The following LILRA1 variants were observed in gnomAD, a reference collection of about 807,000 sequenced individuals.
LILRA1 encodes leukocyte immunoglobulin like receptor A1.
A neutral mutation model predicts 51.6 loss-of-function variants in LILRA1; 51 were observed. The ratio of observed to expected loss-of-function variants is 0.99; its 90% CI spans 0.79 to 1.25. The LOEUF is 1.25. LILRA1 is among the 50% of genes most tolerant of loss of function. LILRA1 has a pLI of 0.00. For missense variants in LILRA1, 660 were observed against 611.7 expected, an observed-to-expected ratio of 1.08 and a Z score of -0.83; for synonymous variants, 305 against 248.4, an observed-to-expected ratio of 1.23 and a Z score of -2.14.
chr19:54,593,907 AG>A, intron 1 of LILRA1, 126 bp downstream of exon 1: 2 of 581,114 alleles, frequency 3.4e-6, no homozygotes, highest in Non-Finnish European at 6.3e-6. Context: ...AGAAAGCACC[AG>A]TTCTATTTGC....
intron 8 of LILRA1, 108 bp downstream of exon 8, chr19:54,599,394 A>G: frequency 1.4e-6 from 2 of 1,403,612 alleles, no homozygotes; most frequent in Middle Eastern, 2.2e-4. Context: ...CATTCATTCT[A>G]ATTTAAAGAA....
At chr19:54,594,555 G>T (rs1212492719) in intron 3 of LILRA1, 79 bp downstream of exon 3, 4 of 1,613,534 alleles carry the variant, frequency 2.5e-6, no homozygotes, top group African/African-American at 1.3e-5. Flanking sequence ...TGGGGATGGG[G>T]AATAGCAGTT....
rs1386814345 is a variant in LILRA1, at chr19:54,599,162, T to C, written c.1262-74T>C. ...CTTGACAGGGAGGTTATATAAGTTA[T>C]ACATAATCTTATATAGAATTTGTTA... is the stretch of plus-strand genomic sequence containing the variant. On this transcript the variant is annotated intron_variant, in intron 7 of 9. Coordinates refer to ENST00000251372, the MANE Select transcript of LILRA1 (RefSeq NM_006863.4). 1.1e-5 allele frequency: 15 copies of C among 1,406,444 alleles called. No homozygotes were observed. The Admixed American group carries it at 1.2e-4, about 11-fold the overall frequency. The allele number at this position is 1,406,444 out of a possible 1,614,324, so 87.1% of individuals were successfully genotyped here. A position where few individuals can be genotyped will look rare whatever the true frequency, so the allele number is the denominator to read the frequency against.
At position 54,596,231 on chromosome 19, in the gene LILRA1, C is replaced by A. The variant is rs1456574651; in HGVS notation, c.1001C>A (p.Pro334His). 4.3e-6 allele frequency: 7 copies of A among 1,614,070 alleles called. No individual in the cohort carries two copies. Among genetic ancestry groups the A allele is most frequent in the Non-Finnish European group, 5.9e-6 (7 of 1,179,988 alleles). Residue 334 changes from proline (P) to histidine (H), a missense_variant, in exon 7 of 10, where the codon CCC (proline) becomes CAC (histidine). Pro to His is a moderately conservative substitution (Grantham distance 77). Transcript: ENST00000251372. ...GRPFISVHPG[P>H]TVASGENVTL... is the part of the protein sequence containing the mutation. ...CCCTTCATCTCGGTGCATCCGGGCCCCACGGTGGCCTCAGGAGAGAACGTG... is the reference window on the plus strand; with the variant it reads ...CCCTTCATCTCGGTGCATCCGGGCCACACGGTGGCCTCAGGAGAGAACGTG...
Position 54,600,903 on chromosome 19 carries a change from G to C in LILRA1, c.*86G>C. 2 of 1,478,932 alleles carry C rather than the reference G, an allele frequency of 1.4e-6. No homozygotes were observed. Among genetic ancestry groups the C allele is most frequent in the East Asian group, 4.5e-5 (2 of 44,324 alleles). The allele number at this position is 1,478,932 out of a possible 1,614,324, so 91.6% of individuals were successfully genotyped here. On this transcript the variant is annotated 3_prime_UTR_variant, in exon 10 of 10. Transcript: ENST00000251372. ...GGGAACAGATCTGATGATGCCAGGAGGTTCCGGGAGACAATTTAGGGCTGA... is the reference window on the plus strand; with the variant it reads ...GGGAACAGATCTGATGATGCCAGGACGTTCCGGGAGACAATTTAGGGCTGA...
chr19:54,598,082 C>T (rs1053897701), intron 7 of LILRA1, among the ~76,000 whole-genome samples: 3 of 151,652 alleles, frequency 2.0e-5, no homozygotes, highest in African/African-American at 7.3e-5. Context: ...GGACCGTGCA[C>T]CTGCTCCCTG....
intron 8 of LILRA1, among the ~76,000 whole-genome samples, chr19:54,600,247 T>C (rs1478536377): frequency 2.0e-5 from 3 of 152,292 alleles, no homozygotes; most frequent in Non-Finnish European, 4.4e-5. Flanking sequence ...CAGGGCTCAG[T>C]GACTTCTGTA....
At chr19:54,595,423 C>T (rs374304223) in intron 5 of LILRA1, 21 bp downstream of exon 5, 22 of 1,590,086 alleles carry the variant, frequency 1.4e-5, no homozygotes, top group Admixed American at 3.5e-5. Context: ...CACAGCATTG[C>T]CTGGAGTTCC....
Position 54,595,127 on chromosome 19 carries a change from C to G in LILRA1, c.386C>G (p.Ala129Gly). Residue 129 changes from alanine to glycine, a missense_variant, in exon 5 of 10, where the codon GCT becomes GGT. Physicochemically the swap from Ala to Gly is moderately conservative, Grantham distance 60. Coordinates refer to ENST00000251372, the MANE Select transcript of LILRA1 (RefSeq NM_006863.4). ...GCCTACATCAAACCCACCCTCTCAG[C>G]TCTACCCAGCCCTGTGGTGACCTCA... The part of the protein sequence containing the change: ...TGAYIKPTLS[A>G]LPSPVVTSGG... 6.2e-7 allele frequency: 1 copy of G among 1,614,018 alleles called. No homozygotes were observed. Among genetic ancestry groups the G allele is most frequent in the Non-Finnish European group, 8.5e-7 (1 of 1,179,922 alleles).
In LILRA1 at chr19:54,596,295, C is replaced by T. The variant is rs200588247; in HGVS notation, c.1065C>T (p.Phe355=). ...AGTCATGGGGGCCGTTCCACACTTT[C>T]CTTCTGACCAAGGCGGGAGCAGCTG... ...LCQSWGPFHT[F]LLTKAGAADA... is the part of the protein sequence containing the mutation. Residue 355 remains phenylalanine, a synonymous_variant, in exon 7 of 10, where the codon TTC becomes TTT. Transcript: ENST00000251372. 7.2e-5 allele frequency: 116 copies of T among 1,614,128 alleles called. No individual in the cohort carries two copies. The Admixed American group carries it at 7.8e-4, about 11-fold the overall frequency.
At position 54,595,817 on chromosome 19, in the gene LILRA1, C is replaced by T. The variant is rs2063033745; in HGVS notation, c.840C>T (p.Ala280=). 2 of 1,614,042 alleles carry T rather than the reference C, an allele frequency of 1.2e-6. No homozygotes were observed. The highest frequency in any genetic ancestry group is 1.1e-5 in the South Asian group (1 of 91,092). The change falls in exon 6 of 10, where the codon GCC becomes GCT. Residue 280 remains alanine (A), a synonymous_variant. Coordinates refer to ENST00000251372, the MANE Select transcript of LILRA1 (RefSeq NM_006863.4). ...AGCCCCAGGCTGGGCTCTCCCAGGC[C>T]AACTTCACCCTGGGCCCTGTGAGCC... ...GPQPQAGLSQ[A]NFTLGPVSRS...
In LILRA1 at chr19:54,596,463, C is replaced by T; in HGVS notation, c.1233C>T (p.Pro411=). The T allele has an allele frequency of 6.2e-7, 1 of 1,614,192 alleles. No individual in the cohort carries two copies. Among genetic ancestry groups the T allele is most frequent in the Non-Finnish European group, 8.5e-7 (1 of 1,180,024 alleles). The change falls in exon 7 of 10, where the codon CCC becomes CCT. Residue 411 remains proline, a synonymous_variant. Transcript: ENST00000251372. ...CCAACCCCTACCTGCTGTCTCACCCCAGTGACTCCCTGGAGCTCATGGTCT... is the reference window on the plus strand; with the variant it reads ...CCAACCCCTACCTGCTGTCTCACCCTAGTGACTCCCTGGAGCTCATGGTCT... The part of the protein sequence containing the change: ...LSSNPYLLSH[P]SDSLELMVSG...
At chr19:54,599,064 G>A (rs1253969560) in intron 7 of LILRA1, among the ~76,000 whole-genome samples, 172 bp from the exon 8 acceptor site, 2 of 152,122 alleles carry the variant, frequency 1.3e-5, no homozygotes, top group South Asian at 2.1e-4. Context: ...AAAATGCTGG[G>A]ATTACAGGCA....
rs1376002537 is a variant in LILRA1, at chr19:54,594,420, T to G, written c.35-21T>G. ...TGCCCAGGCTTCAGGGGCAAATTCC[T>G]CACAGGGAACTCTCTTCCAGGGCTG... On this transcript the variant is annotated intron_variant, in intron 2 of 9. Coordinates refer to ENST00000251372, the MANE Select transcript of LILRA1 (RefSeq NM_006863.4). 6 of 1,614,082 alleles carry G rather than the reference T, an allele frequency of 3.7e-6. No homozygotes were observed. In the Admixed American group the frequency reaches 1.0e-4, roughly 27 times the overall value.
At chr19:54,594,329 C>A (rs1267323445) in intron 2 of LILRA1, 51 bp downstream of exon 2, 3 of 1,613,552 alleles carry the variant, frequency 1.9e-6, no homozygotes, top group Admixed American at 3.3e-5. Context: ...GACCTCACCC[C>A]ACAGCCGACC....
chr19:54,597,270 G>T lies in LILRA1; in HGVS notation c.1261+779G>T, dbSNP rs576495704. 3.3e-5 allele frequency among the ~76,000 whole-genome samples: 5 copies of T among 152,280 alleles called. No individual in the cohort carries two copies. The East Asian group carries it at 5.8e-4, about 18-fold the overall frequency. ...GCAGAGGGGAGGGTGGACAGTAAGGGTGTGGTCTGCATGGCTTCCTGGTGC... is the reference window on the plus strand; with the variant it reads ...GCAGAGGGGAGGGTGGACAGTAAGGTTGTGGTCTGCATGGCTTCCTGGTGC... On this transcript the variant is annotated intron_variant, in intron 7 of 9. Coordinates refer to ENST00000251372, the MANE Select transcript of LILRA1 (RefSeq NM_006863.4).
At position 54,594,824 on chromosome 19, in the gene LILRA1, T is replaced by C. The variant is rs367561488; in HGVS notation, c.230T>C (p.Ile77Thr). 9 of 1,613,986 alleles carry C rather than the reference T, an allele frequency of 5.6e-6. No individual in the cohort carries two copies. In the African/African-American group the frequency reaches 8.0e-5, roughly 14 times the overall value. ...APWITRIPQE[I>T]VKKGQFPIPS... ...TGGATTACACGGATCCCACAGGAGATTGTGAAGAAGGGCCAGTTCCCCATC... is the reference window on the plus strand; with the variant it reads ...TGGATTACACGGATCCCACAGGAGACTGTGAAGAAGGGCCAGTTCCCCATC... The change falls in exon 4 of 10, where the codon ATT (isoleucine) becomes ACT (threonine). Residue 77 changes from isoleucine to threonine, a missense_variant. Coordinates refer to ENST00000251372, the MANE Select transcript of LILRA1 (RefSeq NM_006863.4).
At position 54,596,245 on chromosome 19, in the gene LILRA1, G is replaced by A; in HGVS notation, c.1015G>A (p.Gly339Arg). The A allele has an allele frequency of 6.2e-7, 1 of 1,614,100 alleles. No homozygotes were observed. The highest frequency in any genetic ancestry group is 8.5e-7 in the Non-Finnish European group (1 of 1,180,006). ...GCATCCGGGCCCCACGGTGGCCTCAGGAGAGAACGTGACCCTGCTGTGTCA... is the reference window on the plus strand; with the variant it reads ...GCATCCGGGCCCCACGGTGGCCTCAAGAGAGAACGTGACCCTGCTGTGTCA... ...SVHPGPTVAS[G>R]ENVTLLCQSW... Residue 339 changes from glycine to arginine, a missense_variant, in exon 7 of 10, where the codon GGA (glycine) becomes AGA (arginine). Physicochemically the swap from Gly to Arg is moderately radical, Grantham distance 125. Transcript: ENST00000251372.
In LILRA1 at chr19:54,594,708, G is replaced by C. The variant is rs1321905954; in HGVS notation, c.114G>C (p.Val38=). 2 of 1,612,662 alleles carry C rather than the reference G, an allele frequency of 1.2e-6. No individual in the cohort carries two copies. The highest frequency in any genetic ancestry group is 2.2e-5 in the South Asian group (2 of 90,544). The part of the protein sequence containing the change: ...KPTLWAEPGS[V]ITQGSPVTLW... ...CACTCTGGGCTGAGCCAGGCTCTGT[G>C]ATCACCCAGGGGAGTCCCGTGACCC... is the stretch of plus-strand genomic sequence containing the variant. Residue 38 remains valine, a synonymous_variant, in exon 4 of 10, where the codon GTG becomes GTC. Transcript: ENST00000251372.
Sources: allele counts gnomAD v4.1 joint callset (sites outside exome capture counted in the v4.1 genomes callset), GRCh38; gene constraint gnomAD v4.1.1; transcripts MANE v1.5; gene names NCBI Gene and HGNC (gene_info 2026-07-23, HGNC 2026-07-21).